GC: variants seen among roughly 807,000 people sequenced by gnomAD.
The protein encoded by GC is GC vitamin D binding protein.
GC carries 43 observed loss-of-function variants against 56.7 expected under a neutral mutation model. The ratio of observed to expected loss-of-function variants is 0.76; its 90% CI spans 0.59 to 0.98. GC has a LOEUF of 0.98. Among genes scored for constraint, GC ranks in the 50% least tolerant of loss-of-function variants. The pLI is 0.00. For missense variants in GC, 529 were observed against 545.9 expected (o/e 0.97, Z 0.31); for synonymous variants, 216 against 202.7 (o/e 1.07, Z -0.56).
chr4:71,775,036 T>TCC (rs1742465422), intron 1 of GC, among the ~76,000 whole-genome samples: 1 of 150,222 alleles, frequency 6.7e-6, no homozygotes, highest in Admixed American at 6.7e-5. Flanking sequence ...CCGGCCCTTT[T>TCC]TTTTTTTTTT....
At chr4:71,783,899 T>A in intron 1 of GC, 62 bp downstream of exon 1, 1 of 1,232,722 alleles carries the variant, frequency 8.1e-7, no homozygotes. Context: ...ATTTTTTAAG[T>A]GATAATATAA....
intron 7 of GC, among the ~76,000 whole-genome samples, 175 bp from the exon 8 acceptor site, chr4:71,757,089 G>T (rs1741803291): frequency 6.6e-6 from 1 of 152,064 alleles, no homozygotes; most frequent in Non-Finnish European, 1.5e-5. Context: ...TGTACTAAAA[G>T]TCTTAAAAAT....
At chr4:71,803,893 A>G in intron 1 of GC, 2 of 1,312,380 alleles carry the variant, frequency 1.5e-6, no homozygotes, top group Non-Finnish European at 2.1e-6. Flanking sequence ...TACCAATGGT[A>G]ACTTGAAATT....
chr4:71,753,308 G>T (rs565270795), intron 10 of GC, among the ~76,000 whole-genome samples: 3 of 152,176 alleles, frequency 2.0e-5, no homozygotes, highest in South Asian at 2.1e-4. Context: ...CAGCCCAGCG[G>T]GGGGCAATGG....
At chr4:71,804,851 G>T (rs1743327948), upstream of GC, among the ~76,000 whole-genome samples, 1 of 150,650 alleles carries the variant, frequency 6.6e-6, no homozygotes, top group Non-Finnish European at 1.5e-5. Context: ...TTTACTGGGG[G>T]AGGGGGGTCA....
rs141394964 is a variant in GC, at chr4:71,765,296, G to T, written c.473+136C>A. 370 of 697,602 alleles carry T rather than the reference G, an allele frequency of 5.3e-4. 1 individual carries two copies. In the African/African-American group the frequency reaches 6.0e-3, roughly 11 times the overall value. The allele number at this position is 697,602 out of a possible 1,614,324, so 43.2% of individuals were successfully genotyped here. On this transcript the variant is annotated intron_variant, in intron 4 of 12. Transcript: ENST00000273951. The stretch of plus-strand genomic sequence containing the variant: ...CTCAGCACCAAAGGGAAGATGGGCT[G>T]TCTCAGATGACAGTCAAGTTATCAG...
At chr4:71,754,954 A>C in intron 9 of GC, 24 bp downstream of exon 9, 1 of 1,525,430 alleles carries the variant, frequency 6.6e-7, no homozygotes. Context: ...TATGTGCTTG[A>C]TAAAGAAAAT....
chr4:71,790,635 G>T (rs1476605771), intron 1 of GC, among the ~76,000 whole-genome samples: 10 of 150,958 alleles, frequency 6.6e-5, no homozygotes, highest in African/African-American at 2.4e-4. Flanking sequence ...TTTAATATTT[G>T]TGATTTTTAA....
chr4:71,759,606 T>C (rs1379518395), intron 6 of GC: 1 of 152,254 alleles, frequency 6.6e-6, no homozygotes, highest in Non-Finnish European at 1.5e-5. Flanking sequence ...CAGAGTGGTA[T>C]GGCGGTAGAC....
At chr4:71,752,167 C>G (rs1463364914) in intron 11 of GC, among the ~76,000 whole-genome samples, 1 of 152,066 alleles carries the variant, frequency 6.6e-6, no homozygotes, top group Non-Finnish European at 1.5e-5. Flanking sequence ...GATGTTCTCA[C>G]TGTATTCTTA....
intron 1 of GC, among the ~76,000 whole-genome samples, chr4:71,795,703 T>A (rs542226435): frequency 6.6e-6 from 1 of 152,372 alleles, no homozygotes; most frequent in South Asian, 2.1e-4. Context: ...GTTATTATGA[T>A]GTTAGCTAGT....
chr4:71,757,745 T>A (rs1166601075), intron 7 of GC, among the ~76,000 whole-genome samples: 1 of 152,192 alleles, frequency 6.6e-6, no homozygotes, highest in African/African-American at 2.4e-5. Flanking sequence ...AATGACCATA[T>A]GTGGTAATGA....
rs28761198 is a variant in GC at position 71,797,903 on chromosome 4, A to G, written c.21+6023T>C. Among the ~76,000 whole-genome samples, 1,422 of 152,308 alleles carry G rather than the reference A, an allele frequency of 9.3e-3. 15 individuals carry two copies. The highest frequency in any genetic ancestry group is 0.014 in the Non-Finnish European group (941 of 68,018). Reference sequence around the variant, plus strand: ...AAAAATCAAATTTATGTAATGTCCAACCATTATTTCTAGATGACTTTCCTG... The same window carrying G: ...AAAAATCAAATTTATGTAATGTCCAGCCATTATTTCTAGATGACTTTCCTG... On this transcript the variant is annotated intron_variant, in intron 1 of 13. Coordinates refer to the GC transcript ENST00000504199.
intron 2 of GC, among the ~76,000 whole-genome samples, chr4:71,768,648 TAG>T (rs1742249515): frequency 6.6e-6 from 1 of 152,098 alleles, no homozygotes; most frequent in Non-Finnish European, 1.5e-5. Context: ...GTATTTTTAG[TAG>T]AGACAGGGTT....
upstream of GC, chr4:71,804,073 G>T (rs1743308693): frequency 2.8e-6 from 2 of 704,054 alleles, no homozygotes; most frequent in African/African-American, 1.7e-5. Flanking sequence ...CTTAGACAAA[G>T]ATTTGTATGC....
intron 5 of GC, 40 bp downstream of exon 5, chr4:71,763,764 G>GA (rs1158856070): frequency 1.3e-6 from 2 of 1,537,366 alleles, no homozygotes; most frequent in Non-Finnish European, 1.8e-6. Context: ...GCTATTAGAA[G>GA]AAAAAAACGT....
At chr4:71,796,264 C>T (rs969846630) in intron 1 of GC, among the ~76,000 whole-genome samples, 1 of 152,196 alleles carries the variant, frequency 6.6e-6, no homozygotes, top group African/African-American at 2.4e-5. Flanking sequence ...TGTTTTCTAA[C>T]TTGGTTCCAT....
intron 6 of GC, 140 bp downstream of exon 6, chr4:71,763,268 C>A (rs1742044349): frequency 2.3e-6 from 1 of 425,858 alleles, no homozygotes; most frequent in Admixed American, 4.0e-5. Flanking sequence ...GAGAATTTGG[C>A]CAGATTTTTG....
At chr4:71,774,157 C>T (rs930679325) in intron 1 of GC, among the ~76,000 whole-genome samples, 4 of 152,040 alleles carry the variant, frequency 2.6e-5, no homozygotes, top group African/African-American at 9.7e-5. Context: ...ACCCACATGA[C>T]ATCTATAGAT....
Sources: gnomAD v4.1 joint callset for allele counts (sites outside exome capture counted in the v4.1 genomes callset) on GRCh38, gnomAD v4.1.1 for gene constraint, MANE v1.5 for transcripts, NCBI Gene and HGNC (gene_info 2026-07-23, HGNC 2026-07-21) for gene names.